STXBP5L: variants seen among roughly 807,000 people sequenced by gnomAD.
STXBP5L encodes syntaxin-binding protein 5-like.
A neutral mutation model predicts 144.5 loss-of-function variants in STXBP5L; 65 were observed. That is an observed-to-expected ratio of 0.45 (90% CI 0.37 to 0.55). The LOEUF (loss-of-function observed/expected upper bound fraction) is 0.55, where lower values mean the gene tolerates loss of function less well. STXBP5L is among the 20% of genes least tolerant of loss of function. The pLI is 0.00. For synonymous variants in STXBP5L, 505 were observed against 469.6 expected (o/e 1.08, Z -0.97); for missense variants, 1,298 against 1,405.5 (o/e 0.92, Z 1.22).
intron 5 of STXBP5L, among the ~76,000 whole-genome samples, chr3:121,053,043 G>T (rs746751871): frequency 1.3e-5 from 2 of 152,188 alleles, no homozygotes; most frequent in African/African-American, 4.8e-5. Context: ...TTACAGGGAC[G>T]TGAAGGACCT....
At chr3:120,943,651 TGC>T (rs962196022) in intron 2 of STXBP5L, among the ~76,000 whole-genome samples, 4 of 151,638 alleles carry the variant, frequency 2.6e-5, no homozygotes, top group African/African-American at 9.7e-5. Context: ...TGCTTTATAA[TGC>T]TTAAAACAAT....
At position 121,423,649 on chromosome 3, in the gene STXBP5L, T is replaced by C. The variant is rs2047400226; in HGVS notation, c.*4552T>C. 1 of 152,064 alleles carries C rather than the reference T, an allele frequency of 6.6e-6. No homozygotes were observed. Among genetic ancestry groups the C allele is most frequent in the Non-Finnish European group, 1.5e-5 (1 of 68,028 alleles). 9.4% of individuals were successfully genotyped at this position (152,064 alleles called of 1,614,324 possible). ...AAATTCCCAATTATATTAAAATCAT[T>C]TGGAGTGGGAACCAGACACCAATAT... On this transcript the variant is annotated 3_prime_UTR_variant, in exon 27 of 27. Transcript: ENST00000471454.
chr3:121,220,213 G>A (rs2048932615), intron 10 of STXBP5L, among the ~76,000 whole-genome samples: 1 of 152,010 alleles, frequency 6.6e-6, no homozygotes, highest in South Asian at 2.1e-4. Context: ...TTACATATAA[G>A]TGGTTATATA....
intron 10 of STXBP5L, among the ~76,000 whole-genome samples, chr3:121,215,349 TG>T (rs1160362728): frequency 6.6e-6 from 1 of 152,156 alleles, no homozygotes; most frequent in Non-Finnish European, 1.5e-5. Flanking sequence ...ACCAGTTTTT[TG>T]TTTCCAAATT....
chr3:121,081,014 G>A (rs1023211718), intron 5 of STXBP5L, among the ~76,000 whole-genome samples: 2 of 151,834 alleles, frequency 1.3e-5, no homozygotes, highest in Admixed American at 6.6e-5. Context: ...AGGTTTGGCT[G>A]TTTAACATAA....
intron 3 of STXBP5L, among the ~76,000 whole-genome samples, chr3:120,989,633 A>G (rs1267043317): frequency 6.6e-6 from 1 of 152,038 alleles, no homozygotes; most frequent in Non-Finnish European, 1.5e-5. Flanking sequence ...TATAACTCGA[A>G]TTTTATGTTT....
chr3:121,054,275 T>C (rs1354633563), intron 5 of STXBP5L, among the ~76,000 whole-genome samples: 1 of 152,058 alleles, frequency 6.6e-6, no homozygotes, highest in Admixed American at 6.6e-5. Flanking sequence ...CATGCTGCTA[T>C]AAAGACACAT....
intron 3 of STXBP5L, among the ~76,000 whole-genome samples, chr3:121,008,031 G>T (rs1343210578): frequency 2.6e-5 from 4 of 151,758 alleles, no homozygotes; most frequent in Non-Finnish European, 4.4e-5. Flanking sequence ...TTCTTTTACC[G>T]TTTTTTATAG....
chr3:121,074,307 G>A (rs2041931338), intron 5 of STXBP5L, among the ~76,000 whole-genome samples: 1 of 152,140 alleles, frequency 6.6e-6, no homozygotes, highest in Non-Finnish European at 1.5e-5. Context: ...ATATGGGTTG[G>A]GCACAATGGC....
At chr3:121,086,164 A>T (rs1200460552) in intron 5 of STXBP5L, among the ~76,000 whole-genome samples, 1 of 152,192 alleles carries the variant, frequency 6.6e-6, no homozygotes, top group Non-Finnish European at 1.5e-5. Context: ...AATTAACCCA[A>T]GATGGATTAA....
chr3:121,137,684 T>C (rs77702098), intron 7 of STXBP5L, among the ~76,000 whole-genome samples: 7,027 of 152,124 alleles, frequency 0.046, 219 homozygotes, highest in Middle Eastern at 0.099. Context: ...AAAAACCATA[T>C]GGTCATTTTA....
intron 3 of STXBP5L, among the ~76,000 whole-genome samples, chr3:121,003,938 T>A (rs1284043490): frequency 6.6e-6 from 1 of 152,198 alleles, no homozygotes; most frequent in Non-Finnish European, 1.5e-5. Flanking sequence ...TACCACGCTG[T>A]TTTGGTTACT....
intron 10 of STXBP5L, among the ~76,000 whole-genome samples, chr3:121,216,726 G>A (rs764806808): frequency 3.9e-5 from 6 of 152,164 alleles, no homozygotes; most frequent in Non-Finnish European, 7.3e-5. Flanking sequence ...TGGGAGATCT[G>A]CTGCTCTCTT....
rs570186427 is a variant in STXBP5L, at chr3:120,962,419, G to T, written c.287+7382G>T. Among the ~76,000 whole-genome samples, 11 of 152,200 alleles carry T rather than the reference G, an allele frequency of 7.2e-5. No individual in the cohort carries two copies. In the South Asian group the frequency reaches 8.3e-4, roughly 11 times the overall value. The stretch of plus-strand genomic sequence containing the variant: ...GTTTTTATGGTTTTAGGTCTCACAT[G>T]TAATTCTTTAATCCATCTTGAATTA... On this transcript the variant is annotated intron_variant, in intron 3 of 26. Transcript: ENST00000471454.
chr3:121,356,445 G>T (rs151167186), intron 20 of STXBP5L, among the ~76,000 whole-genome samples: 6 of 152,368 alleles, frequency 3.9e-5, no homozygotes, highest in African/African-American at 1.4e-4. Context: ...CTCAATCTCA[G>T]ATTGCTGTGC....
chr3:121,347,983 TC>T (rs2108602306), intron 20 of STXBP5L, among the ~76,000 whole-genome samples: 1 of 152,304 alleles, frequency 6.6e-6, no homozygotes, highest in South Asian at 2.1e-4. Flanking sequence ...GGCCAGAACT[TC>T]CAACACTATG....
intron 5 of STXBP5L, among the ~76,000 whole-genome samples, chr3:121,093,469 A>G (rs1214137179): frequency 1.3e-5 from 2 of 152,204 alleles, no homozygotes; most frequent in East Asian, 1.9e-4. Flanking sequence ...TGGTCTATTC[A>G]GAGATTCAAC....
chr3:121,315,124 C>T (rs1358194608), intron 19 of STXBP5L, among the ~76,000 whole-genome samples: 2 of 152,256 alleles, frequency 1.3e-5, no homozygotes, highest in African/African-American at 2.4e-5. Flanking sequence ...ACCCAGCCAT[C>T]CCATTACTGG....
chr3:121,054,604 G>T (rs1387409692), intron 5 of STXBP5L, among the ~76,000 whole-genome samples: 14 of 102,322 alleles, frequency 1.4e-4, no homozygotes, highest in African/African-American at 4.6e-4. Context: ...TGGGGGGAGG[G>T]GGGAGGGATA....
Sources: allele counts gnomAD v4.1 joint callset (sites outside exome capture counted in the v4.1 genomes callset), GRCh38; gene constraint gnomAD v4.1.1; transcripts MANE v1.5; gene names NCBI Gene and HGNC (gene_info 2026-07-23, HGNC 2026-07-21).